RARB: variants seen among roughly 807,000 people sequenced by gnomAD.
RARB encodes retinoic acid receptor beta.
In RARB, 17 loss-of-function variants were observed where a neutral mutation model predicts 51.9. The observed-to-expected ratio is 0.33, with a 90% CI of 0.22 to 0.49. The LOEUF (loss-of-function observed/expected upper bound fraction) is 0.49, where lower values mean the gene tolerates loss of function less well. Among genes scored for constraint, RARB ranks in the 20% least tolerant of loss-of-function variants. The pLI is 0.99. For missense variants in RARB, 369 were observed against 550.8 expected, an observed-to-expected ratio of 0.67 and a Z score of 3.30; for synonymous variants, 215 against 195.4, an observed-to-expected ratio of 1.10 and a Z score of -0.84.
Position 25,028,168 on chromosome 3 carries a change from A to C in RARB, c.-379-31957A>C, listed in dbSNP as rs76097217. On this transcript the variant is annotated intron_variant, in intron 2 of 11. Coordinates refer to the RARB transcript ENST00000383772. The stretch of plus-strand genomic sequence containing the variant: ...TCAAGGAGTGTTCCCTAGACCAGCA[A>C]TGTCTCCTGGAAACTCATTAGAATG... Among the ~76,000 whole-genome samples the C allele has an allele frequency of 1.8e-4, 27 of 152,268 alleles. No individual in the cohort carries two copies. The East Asian group carries it at 4.4e-3, about 25-fold the overall frequency.
chr3:25,019,592 A>G (rs1230709185), intron 2 of RARB, among the ~76,000 whole-genome samples: 1 of 152,134 alleles, frequency 6.6e-6, no homozygotes, highest in African/African-American at 2.4e-5. Flanking sequence ...TGTGAATATC[A>G]GGGCTTTTTA....
intron 1 of RARB, among the ~76,000 whole-genome samples, chr3:25,432,870 G>A (rs1708264719): frequency 6.6e-6 from 1 of 152,128 alleles, no homozygotes; most frequent in Non-Finnish European, 1.5e-5. Flanking sequence ...AGATGGAGAT[G>A]TAAAAACCAA....
intron 3 of RARB, among the ~76,000 whole-genome samples, chr3:25,081,612 TATATATA>T (rs1177640939): frequency 3.5e-3 from 49 of 14,112 alleles, no homozygotes; most frequent in African/African-American, 8.4e-3. Context: ...TATATATATA[TATATATA>T]TATTTTTTTT....
chr3:24,885,580 C>G (rs1417496277), intron 2 of RARB, among the ~76,000 whole-genome samples: 1 of 152,102 alleles, frequency 6.6e-6, no homozygotes, highest in Non-Finnish European at 1.5e-5. Context: ...AAATCACTAA[C>G]GTCAAAATGA....
intron 2 of RARB, among the ~76,000 whole-genome samples, chr3:24,860,939 C>T (rs1291182756): frequency 6.6e-6 from 1 of 152,110 alleles, no homozygotes; most frequent in Non-Finnish European, 1.5e-5. Flanking sequence ...ATAGACTATA[C>T]CATGTAGCCT....
At chr3:24,998,182 A>G (rs1009057161) in intron 2 of RARB, among the ~76,000 whole-genome samples, 3 of 151,796 alleles carry the variant, frequency 2.0e-5, no homozygotes, top group Admixed American at 6.6e-5. Flanking sequence ...CATGGACTCT[A>G]TTAGATTATT....
intron 5 of RARB, among the ~76,000 whole-genome samples, chr3:25,285,410 A>G (rs1703624783): frequency 6.6e-6 from 1 of 152,204 alleles, no homozygotes; most frequent in Non-Finnish European, 1.5e-5. Context: ...GATTTTGGGC[A>G]GGCTGTGCAG....
exon 5 of RARB, chr3:25,174,351 G>A: frequency 7.5e-7 from 1 of 1,332,272 alleles, no homozygotes; most frequent in Non-Finnish European, 1.0e-6. Context: ...GACCTGGAGT[G>A]ATGTGTTCCT....
chr3:25,017,537 C>G (rs1345929241), intron 2 of RARB, among the ~76,000 whole-genome samples: 2 of 152,078 alleles, frequency 1.3e-5, no homozygotes, highest in Non-Finnish European at 2.9e-5. Context: ...AAGCAGTACA[C>G]CTAATAACTA....
chr3:25,412,886 G>A (rs1050946032), intron 5 of RARB, among the ~76,000 whole-genome samples: 2 of 152,124 alleles, frequency 1.3e-5, no homozygotes, highest in African/African-American at 4.8e-5. Flanking sequence ...AGGCATGGTG[G>A]CGCATGCCTG....
At chr3:25,034,466 A>G (rs1215238108) in intron 2 of RARB, among the ~76,000 whole-genome samples, 1 of 152,242 alleles carries the variant, frequency 6.6e-6, no homozygotes, top group Non-Finnish European at 1.5e-5. Context: ...ACGAGTGGAT[A>G]GATGGAAAAG....
At chr3:25,271,042 G>T (rs1383376071) in intron 5 of RARB, among the ~76,000 whole-genome samples, 1 of 124,450 alleles carries the variant, frequency 8.0e-6, no homozygotes, top group Non-Finnish European at 1.9e-5. Flanking sequence ...AGCTTCTAGT[G>T]AAATACAAAT....
At chr3:25,092,406 C>T (rs976368584) in intron 3 of RARB, among the ~76,000 whole-genome samples, 2 of 152,070 alleles carry the variant, frequency 1.3e-5, no homozygotes, top group Admixed American at 1.3e-4. Flanking sequence ...TATAAAGTGT[C>T]TCTATTCTGC....
intron 5 of RARB, among the ~76,000 whole-genome samples, chr3:25,328,058 A>T (rs1704778013): frequency 6.6e-6 from 1 of 152,266 alleles, no homozygotes. Context: ...AAGAATTATT[A>T]GCAATACAAA....
rs768190704 is a variant in RARB at position 25,001,002 on chromosome 3, C to A, written c.-379-59123C>A. Among the ~76,000 whole-genome samples the A allele has an allele frequency of 6.5e-4, 99 of 152,024 alleles. 1 individual carries two copies. The highest frequency in any genetic ancestry group is 7.2e-4 in the Admixed American group (11 of 15,252). On this transcript the variant is annotated intron_variant, in intron 2 of 11. Coordinates refer to the RARB transcript ENST00000383772. ...AATTGAGCAGAATTTGAAAGAGAGG[C>A]CCCACCAAAACATGGACTTGAGCCA...
chr3:25,513,396 CT>C (rs1698001975), intron 3 of RARB, among the ~76,000 whole-genome samples: 1 of 152,128 alleles, frequency 6.6e-6, no homozygotes, highest in African/African-American at 2.4e-5. Context: ...GAATCAGGAA[CT>C]TCTGTCTGAT....
intron 5 of RARB, among the ~76,000 whole-genome samples, chr3:25,383,710 C>T (rs1258212587): frequency 6.6e-6 from 1 of 152,148 alleles, no homozygotes; most frequent in Non-Finnish European, 1.5e-5. Flanking sequence ...AGCGGATCAT[C>T]TGAGGTCAGG....
chr3:25,107,468 T>C (rs1450043133), intron 3 of RARB, among the ~76,000 whole-genome samples: 1 of 152,194 alleles, frequency 6.6e-6, no homozygotes, highest in African/African-American at 2.4e-5. Context: ...ATTTCTAGTA[T>C]TGTTATTATG....
chr3:25,141,907 G>T (rs1292797257), intron 4 of RARB, among the ~76,000 whole-genome samples: 1 of 152,168 alleles, frequency 6.6e-6, no homozygotes, highest in Non-Finnish European at 1.5e-5. Context: ...CAATTTCTCG[G>T]TTATAAGATT....
Sources: gnomAD v4.1 joint callset for allele counts (sites outside exome capture counted in the v4.1 genomes callset) on GRCh38, gnomAD v4.1.1 for gene constraint, MANE v1.5 for transcripts, NCBI Gene and HGNC (gene_info 2026-07-23, HGNC 2026-07-21) for gene names.